Variants in SPRYD4 observed in about 807,000 individuals in gnomAD.
SPRYD4 encodes the protein SPRY domain containing 4.
SPRYD4 carries 12 observed loss-of-function variants against 16.6 expected under a neutral mutation model. The ratio of observed to expected loss-of-function variants is 0.72; its 90% confidence interval spans 0.46 to 1.17. SPRYD4 has a LOEUF of 1.17. Among genes scored for constraint, SPRYD4 ranks in the 50% most tolerant of loss-of-function variants. The pLI, the probability that SPRYD4 is intolerant of heterozygous loss-of-function variation, is 0.00. For synonymous variants in SPRYD4, 98 were observed against 105.4 expected (o/e 0.93, Z 0.43); for missense variants, 260 against 260.2 (o/e 1.00, Z 0.00).
rs761341296 is a variant in SPRYD4, at chr12:56,469,929, A to G, written c.*352A>G. ...GCTTTGTTTGAATTTATTAATCACC[A>G]TGATACCTCTCCCTCCCTTTGTCCA... On this transcript the variant is annotated 3_prime_UTR_variant, in exon 2 of 2. Coordinates refer to ENST00000338146, the MANE Select transcript of SPRYD4 (RefSeq NM_207344.4). 2.8e-5 allele frequency: 7 copies of G among 248,816 alleles called. No homozygotes were observed. The South Asian group carries it at 3.3e-4, about 12-fold the overall frequency. The allele number at this position is 248,816 out of a possible 1,614,324, so 15.4% of individuals were successfully genotyped here.
chr12:56,474,975 C>T lies in SPRYD4; in HGVS notation c.*5398C>T. ...CTGTCAGGGTCTCAGCTGAAGCCCC[C>T]AACCCCTACTGCCCTTCCACTAGCA... On this transcript the variant is annotated 3_prime_UTR_variant, in exon 2 of 2. Transcript: ENST00000338146. 6.2e-7 allele frequency: 1 copy of T among 1,613,734 alleles called. No homozygotes were observed. The highest frequency in any genetic ancestry group is 8.5e-7 in the Non-Finnish European group (1 of 1,179,874).
Position 56,471,998 on chromosome 12 carries a change from G to A in SPRYD4, c.*2421G>A. On this transcript the variant is annotated 3_prime_UTR_variant, in exon 2 of 2. Transcript: ENST00000338146. ...ATAGTCTAGCTGCAAACCGAAGGGT[G>A]TCTAGATAAAACTAGTTGCTGCCCC... 1 of 1,294,304 alleles carries A rather than the reference G, an allele frequency of 7.7e-7. No homozygotes were observed. The highest frequency in any genetic ancestry group is 1.1e-6 in the Non-Finnish European group (1 of 902,458). 80.2% of individuals were successfully genotyped at this position (1,294,304 alleles called of 1,614,324 possible).
Position 56,477,428 on chromosome 12 carries a change from T to G in SPRYD4, c.*7851T>G. ...CAGAAAGCTCTAGGCTCTAGACTCA[T>G]GGGTGGGGGCAGGGAACAGTACTGA... is the stretch of plus-strand genomic sequence containing the variant. On this transcript the variant is annotated 3_prime_UTR_variant, in exon 2 of 2. Coordinates refer to ENST00000338146, the MANE Select transcript of SPRYD4 (RefSeq NM_207344.4). 1 of 420,472 alleles carries G rather than the reference T, an allele frequency of 2.4e-6. No homozygotes were observed. Among genetic ancestry groups the G allele is most frequent in the Non-Finnish European group, 4.3e-6 (1 of 233,752 alleles). 26.0% of individuals were successfully genotyped at this position (420,472 alleles called of 1,614,324 possible).
chr12:56,479,337 C>T lies in SPRYD4; in HGVS notation c.*9760C>T, dbSNP rs1191546595. On this transcript the variant is annotated 3_prime_UTR_variant, in exon 2 of 2. Transcript: ENST00000338146. ...GGCAAATCAGTTTACCTTTCTAGGT[C>T]TTAGTTTCCGTACCTCTAAAATGAG... The T allele has an allele frequency of 1.4e-5, 12 of 863,858 alleles. No individual in the cohort carries two copies. Among genetic ancestry groups the T allele is most frequent in the Non-Finnish European group, 2.0e-5 (12 of 594,686 alleles). 53.5% of individuals were successfully genotyped at this position (863,858 alleles called of 1,614,324 possible).
rs1869316874 is a variant in SPRYD4 at position 56,471,974 on chromosome 12, TA to T, written c.*2398del. The T allele has an allele frequency of 7.9e-7, 1 of 1,261,052 alleles. No homozygotes were observed. Among genetic ancestry groups the T allele is most frequent in the African/African-American group, 1.5e-5 (1 of 67,714 alleles). 78.1% of individuals were successfully genotyped at this position (1,261,052 alleles called of 1,614,324 possible). A position where few individuals can be genotyped will look rare whatever the true frequency, so the allele number is the denominator to read the frequency against. On this transcript the variant is annotated 3_prime_UTR_variant, in exon 2 of 2. Transcript: ENST00000338146. Reference sequence around the variant, plus strand: ...TTTTGTACCCTGCAGCACTCAGTCATAGTCTAGCTGCAAACCGAAGGGTGTC... The same window carrying T: ...TTTTGTACCCTGCAGCACTCAGTCATGTCTAGCTGCAAACCGAAGGGTGTC...
At position 56,472,174 on chromosome 12, in the gene SPRYD4, A is replaced by ATCCATG. The variant is rs1293621050; in HGVS notation, c.*2598_*2603dup. On this transcript the variant is annotated 3_prime_UTR_variant, in exon 2 of 2. Transcript: ENST00000338146. ...GCGAGTCATAGTCTTTCTGTTCCAT[A>ATCCATG]TCCATGGCTGACAAGGCAAACCTGA... is the stretch of plus-strand genomic sequence containing the variant. 1 of 1,614,050 alleles carries ATCCATG rather than the reference A, an allele frequency of 6.2e-7. No individual in the cohort carries two copies. Among genetic ancestry groups the ATCCATG allele is most frequent in the African/African-American group, 1.3e-5 (1 of 74,914 alleles).
In SPRYD4 at chr12:56,472,065, AAAAG is replaced by A. The variant is rs1474003931; in HGVS notation, c.*2493_*2496del. 15 of 1,582,832 alleles carry A rather than the reference AAAAG, an allele frequency of 9.5e-6. No homozygotes were observed. The highest frequency in any genetic ancestry group is 3.4e-5 in the Admixed American group (2 of 58,336). ...CATATAATGAAGGTACTTTTGGTGA[AAAAG>A]AAAGGGTCTTATGATTACCCTCCTC... On this transcript the variant is annotated 3_prime_UTR_variant, in exon 2 of 2. Coordinates refer to ENST00000338146, the MANE Select transcript of SPRYD4 (RefSeq NM_207344.4).
Position 56,473,376 on chromosome 12 carries a change from C to G in SPRYD4, c.*3799C>G, listed in dbSNP as rs1218511233. 2.8e-5 allele frequency: 45 copies of G among 1,604,746 alleles called. No individual in the cohort carries two copies. Among genetic ancestry groups the G allele is most frequent in the Non-Finnish European group, 3.8e-5 (45 of 1,174,742 alleles). Reference sequence around the variant, plus strand: ...TTACTCCTTACACTTAGTAGGAGCTCAAAATTGCTTTATTATAGTAAAAGT... The same window carrying G: ...TTACTCCTTACACTTAGTAGGAGCTGAAAATTGCTTTATTATAGTAAAAGT... On this transcript the variant is annotated 3_prime_UTR_variant, in exon 2 of 2. Coordinates refer to ENST00000338146, the MANE Select transcript of SPRYD4 (RefSeq NM_207344.4).
intron 1 of SPRYD4, 146 bp from the exon 2 acceptor site, chr12:56,468,893 C>A: frequency 1.8e-6 from 2 of 1,140,310 alleles, no homozygotes; most frequent in African/African-American, 1.6e-5. Flanking sequence ...CGTAGTAAAG[C>A]GACCTCGCGA....
chr12:56,470,058 G>C lies in SPRYD4; in HGVS notation c.*481G>C, dbSNP rs1869169101. 1 of 162,392 alleles carries C rather than the reference G, an allele frequency of 6.2e-6. No homozygotes were observed. The highest frequency in any genetic ancestry group is 1.7e-4 in the East Asian group (1 of 5,780). 10.1% of individuals were successfully genotyped at this position (162,392 alleles called of 1,614,324 possible). ...TCAATGACTTGGCCCTTTTTCTACA[G>C]CACATTTAGAGTTTGGGCTCTGGCT... is the stretch of plus-strand genomic sequence containing the variant. On this transcript the variant is annotated 3_prime_UTR_variant, in exon 2 of 2. Transcript: ENST00000338146.
Position 56,479,642 on chromosome 12 carries a change from C to G in SPRYD4, c.*10065C>G. ...TGTTTGAACTCTTATGATGAGTATT[C>G]ATGTATAACTTATGTAATAAGTAAT... On this transcript the variant is annotated 3_prime_UTR_variant, in exon 2 of 2. Transcript: ENST00000338146. 9.9e-7 allele frequency: 1 copy of G among 1,011,222 alleles called. No individual in the cohort carries two copies. The highest frequency in any genetic ancestry group is 1.4e-6 in the Non-Finnish European group (1 of 734,572). 62.6% of individuals were successfully genotyped at this position (1,011,222 alleles called of 1,614,324 possible).
At position 56,471,829 on chromosome 12, in the gene SPRYD4, G is replaced by A. The variant is rs139823988; in HGVS notation, c.*2252G>A. ...CCTCGATCAGGAATTTAACAACTTC[G>A]ATGTGTCCTAGGAATATGGGCAGAA... On this transcript the variant is annotated 3_prime_UTR_variant, in exon 2 of 2. Transcript: ENST00000338146. The A allele has an allele frequency of 1.9e-5, 31 of 1,613,804 alleles. No individual in the cohort carries two copies. In the Admixed American group the frequency reaches 2.5e-4, roughly 13 times the overall value.
rs752752090 is a variant in SPRYD4, at chr12:56,474,672, T to C, written c.*5095T>C. ...GGGCAGATCCCACCGTTGGCGAGGG[T>C]GGCTGCCATGACACTGCCTGATTCA... On this transcript the variant is annotated 3_prime_UTR_variant, in exon 2 of 2. Transcript: ENST00000338146. 1.2e-5 allele frequency: 20 copies of C among 1,613,328 alleles called. No individual in the cohort carries two copies. Among genetic ancestry groups the C allele is most frequent in the Non-Finnish European group, 1.7e-5 (20 of 1,179,440 alleles).
chr12:56,470,648 T>C lies in SPRYD4; in HGVS notation c.*1071T>C, dbSNP rs1869194069. 1 of 152,224 alleles carries C rather than the reference T, an allele frequency of 6.6e-6. No homozygotes were observed. Among genetic ancestry groups the C allele is most frequent in the African/African-American group, 2.4e-5 (1 of 41,468 alleles). The allele number at this position is 152,224 out of a possible 1,614,324, so 9.4% of individuals were successfully genotyped here. On this transcript the variant is annotated 3_prime_UTR_variant, in exon 2 of 2. Coordinates refer to ENST00000338146, the MANE Select transcript of SPRYD4 (RefSeq NM_207344.4). Reference sequence around the variant, plus strand: ...CCAAAACTGTTTATTCTTGAGAAGTTCCATCTTCATTTCTGCCACAGTTGG... The same window carrying C: ...CCAAAACTGTTTATTCTTGAGAAGTCCCATCTTCATTTCTGCCACAGTTGG...
In SPRYD4 at chr12:56,469,635, C is replaced by A; in HGVS notation, c.*58C>A. 1.3e-6 allele frequency: 2 copies of A among 1,514,000 alleles called. No homozygotes were observed. Among genetic ancestry groups the A allele is most frequent in the South Asian group, 2.5e-5 (2 of 79,868 alleles). The allele number at this position is 1,514,000 out of a possible 1,614,324, so 93.8% of individuals were successfully genotyped here. A position where few individuals can be genotyped will look rare whatever the true frequency, so the allele number is the denominator to read the frequency against. On this transcript the variant is annotated 3_prime_UTR_variant, in exon 2 of 2. Coordinates refer to ENST00000338146, the MANE Select transcript of SPRYD4 (RefSeq NM_207344.4). The stretch of plus-strand genomic sequence containing the variant: ...TTGGCCAGCCTCCTTTTGAAAGTGT[C>A]CGAAGCCTTTTTACTTTGCCTCAAG...
chr12:56,474,179 G>A lies in SPRYD4; in HGVS notation c.*4602G>A, dbSNP rs544656766. The A allele has an allele frequency of 1.1e-5, 3 of 265,186 alleles. No individual in the cohort carries two copies. Among genetic ancestry groups the A allele is most frequent in the Non-Finnish European group, 2.2e-5 (3 of 137,520 alleles). 16.4% of individuals were successfully genotyped at this position (265,186 alleles called of 1,614,324 possible). ...ACAATCTCGGCTCAGTGCAACCTCTGCCTCCCAGGTTCAAGCACTTCTGCC... is the reference window on the plus strand; with the variant it reads ...ACAATCTCGGCTCAGTGCAACCTCTACCTCCCAGGTTCAAGCACTTCTGCC... On this transcript the variant is annotated 3_prime_UTR_variant, in exon 2 of 2. Coordinates refer to ENST00000338146, the MANE Select transcript of SPRYD4 (RefSeq NM_207344.4).
At position 56,479,006 on chromosome 12, in the gene SPRYD4, AT is replaced by A; in HGVS notation, c.*9430del. On this transcript the variant is annotated 3_prime_UTR_variant, in exon 2 of 2. Transcript: ENST00000338146. ...CTCAGGAAAAAAAAAAAAAAAAAAA[AT>A]CTGGCCCAGGTCCCTGACCCCTCCC... 4 of 1,516,164 alleles carry A rather than the reference AT, an allele frequency of 2.6e-6. No individual in the cohort carries two copies. Among genetic ancestry groups the A allele is most frequent in the Admixed American group, 2.2e-5 (1 of 46,366 alleles). 93.9% of individuals were successfully genotyped at this position (1,516,164 alleles called of 1,614,324 possible).
Position 56,470,037 on chromosome 12 carries a change from T to C in SPRYD4, c.*460T>C. The stretch of plus-strand genomic sequence containing the variant: ...CTGGCTGAAGGAGTGGTGCAGTCAA[T>C]GACTTGGCCCTTTTTCTACAGCACA... On this transcript the variant is annotated 3_prime_UTR_variant, in exon 2 of 2. Transcript: ENST00000338146. The C allele has an allele frequency of 6.0e-6, 1 of 165,426 alleles. No homozygotes were observed. Among genetic ancestry groups the C allele is most frequent in the South Asian group, 1.5e-4 (1 of 6,674 alleles). 10.2% of individuals were successfully genotyped at this position (165,426 alleles called of 1,614,324 possible).
chr12:56,471,894 G>T lies in SPRYD4; in HGVS notation c.*2317G>T, dbSNP rs925154257. The T allele has an allele frequency of 3.2e-6, 5 of 1,555,060 alleles. No homozygotes were observed. Among genetic ancestry groups the T allele is most frequent in the Non-Finnish European group, 4.4e-6 (5 of 1,127,984 alleles). On this transcript the variant is annotated 3_prime_UTR_variant, in exon 2 of 2. Transcript: ENST00000338146. ...CGCAGGTCTTGAACCCTTTGGTGCA[G>T]ACACTTAGCCACTGAAGTCTTTACC...
Sources: gnomAD v4.1 joint callset for allele counts on GRCh38, gnomAD v4.1.1 for gene constraint, MANE v1.5 for transcripts, NCBI Gene and HGNC (gene_info 2026-07-23, HGNC 2026-07-21) for gene names.